Variants in AGBL4 observed in about 807,000 individuals in gnomAD.
AGBL4 encodes cytosolic carboxypeptidase 6.
Under a neutral mutation model 66.4 loss-of-function variants are expected in AGBL4, and 58 were observed. The observed-to-expected ratio is 0.87, with a 90% CI of 0.71 to 1.09. The LOEUF (loss-of-function observed/expected upper bound fraction) is 1.09, where lower values mean the gene tolerates loss of function less well. Among genes scored for constraint, AGBL4 ranks in the 50% least tolerant of loss-of-function variants. AGBL4 has a pLI of 0.00. For synonymous variants in AGBL4, 234 were observed against 222.9 expected (o/e 1.05, Z -0.44); for missense variants, 579 against 631.0 (o/e 0.92, Z 0.88).
chr1:48,975,731 T>C (rs1422626054), intron 5 of AGBL4, among the ~76,000 whole-genome samples: 3 of 152,166 alleles, frequency 2.0e-5, no homozygotes, highest in African/African-American at 7.2e-5. Context: ...GTAAGTTGCA[T>C]GAACAGGTAA....
At chr1:49,156,810 G>A (rs1264184760) in intron 4 of AGBL4, among the ~76,000 whole-genome samples, 3 of 152,140 alleles carry the variant, frequency 2.0e-5, no homozygotes, top group Admixed American at 1.3e-4. Context: ...AGTGTGAGTG[G>A]AGACTCACAA....
chr1:49,535,185 T>C (rs1027327451), intron 3 of AGBL4, among the ~76,000 whole-genome samples: 2 of 152,016 alleles, frequency 1.3e-5, no homozygotes, highest in African/African-American at 4.8e-5. Context: ...AGAGAATAAC[T>C]TTATAGATTA....
intron 1 of AGBL4, among the ~76,000 whole-genome samples, chr1:49,911,330 A>C (rs189479683): frequency 6.6e-6 from 1 of 152,206 alleles, no homozygotes; most frequent in Admixed American, 6.5e-5. Flanking sequence ...ATCTTGTGAG[A>C]AGCACACTGA....
At chr1:49,530,281 A>AAAAAAAAAAAAAAAAAAAAAAAAAAAT (rs1370165803) in intron 3 of AGBL4, among the ~76,000 whole-genome samples, 1 of 148,022 alleles carries the variant, frequency 6.8e-6, no homozygotes, top group African/African-American at 2.5e-5. Flanking sequence ...AACAAAAAAA[A>AAAAAAAAAAAAAAAAAAAAAAAAAAAT]ACTCTATGAG....
At chr1:49,915,100 C>A (rs908338779) in intron 1 of AGBL4, among the ~76,000 whole-genome samples, 2 of 152,204 alleles carry the variant, frequency 1.3e-5, no homozygotes, top group African/African-American at 4.8e-5. Context: ...TAAAAATTAT[C>A]GGGCAGTTCC....
intron 3 of AGBL4, among the ~76,000 whole-genome samples, chr1:49,493,355 C>G (rs905498021): frequency 6.6e-6 from 1 of 151,938 alleles, no homozygotes; most frequent in East Asian, 1.9e-4. Context: ...AAGCAACAGG[C>G]TTTATACTAA....
intron 4 of AGBL4, among the ~76,000 whole-genome samples, chr1:49,111,443 C>A (rs1417474671): frequency 3.3e-5 from 5 of 152,192 alleles, no homozygotes; most frequent in Non-Finnish European, 7.3e-5. Flanking sequence ...ATGTCTTTCC[C>A]ACTAGAGGCT....
At chr1:48,847,443 C>T (rs1460880921) in intron 6 of AGBL4, among the ~76,000 whole-genome samples, 1 of 150,756 alleles carries the variant, frequency 6.6e-6, no homozygotes, top group Non-Finnish European at 1.5e-5. Flanking sequence ...GCGTTCTCAG[C>T]CACTTATGAT....
At chr1:49,842,334 A>G in intron 2 of AGBL4, 1 of 552,420 alleles carries the variant, frequency 1.8e-6, no homozygotes. Context: ...CTGCTGGAGC[A>G]AGAGGCAGAG....
intron 1 of AGBL4, among the ~76,000 whole-genome samples, chr1:49,878,532 T>C (rs1046713446): frequency 1.3e-5 from 2 of 152,136 alleles, no homozygotes; most frequent in Non-Finnish European, 2.9e-5. Context: ...AGATAGTTTG[T>C]TATAATTTCT....
intron 2 of AGBL4, among the ~76,000 whole-genome samples, chr1:49,715,116 A>G (rs549422885): frequency 6.6e-6 from 1 of 151,784 alleles, no homozygotes; most frequent in African/African-American, 2.4e-5. Flanking sequence ...TCCCTCCCCT[A>G]GCCCCCCAGC....
chr1:48,814,325 AT>A (rs532176785), intron 6 of AGBL4, among the ~76,000 whole-genome samples: 5 of 151,244 alleles, frequency 3.3e-5, no homozygotes, highest in African/African-American at 4.8e-5. Flanking sequence ...TTTTAAAAAT[AT>A]TTTTTAATTG....
intron 6 of AGBL4, among the ~76,000 whole-genome samples, chr1:48,848,266 G>A (rs569757946): frequency 6.6e-6 from 1 of 152,238 alleles, no homozygotes; most frequent in South Asian, 2.1e-4. Flanking sequence ...GACTTAATGG[G>A]CGGACTACAA....
chr1:49,526,560 T>C (rs1353844735), intron 3 of AGBL4, among the ~76,000 whole-genome samples: 1 of 151,884 alleles, frequency 6.6e-6, no homozygotes, highest in Non-Finnish European at 1.5e-5. Context: ...AATATAAATA[T>C]AGGTAGGTGG....
At chr1:49,845,475 C>A (rs1041651234) in intron 2 of AGBL4, 2 of 1,565,496 alleles carry the variant, frequency 1.3e-6, no homozygotes, top group East Asian at 2.3e-5. Context: ...ACCTGCGAAT[C>A]CACACTGGGG....
At chr1:49,563,163 T>A (rs1000155667) in intron 3 of AGBL4, among the ~76,000 whole-genome samples, 1 of 151,928 alleles carries the variant, frequency 6.6e-6, no homozygotes, top group Non-Finnish European at 1.5e-5. Context: ...TGATTTTGTA[T>A]CCTGAGACTT....
At chr1:49,123,451 A>G (rs1457053775) in intron 4 of AGBL4, among the ~76,000 whole-genome samples, 1 of 152,208 alleles carries the variant, frequency 6.6e-6, no homozygotes, top group Non-Finnish European at 1.5e-5. Context: ...AAAATTATAT[A>G]TTTCATACAC....
At chr1:48,996,719 A>G (rs1661021974) in intron 5 of AGBL4, among the ~76,000 whole-genome samples, 1 of 152,138 alleles carries the variant, frequency 6.6e-6, no homozygotes, top group African/African-American at 2.4e-5. Flanking sequence ...TGTGGAAAGG[A>G]TGAGTATAGA....
At chr1:49,353,129 C>T (rs1557863471) in intron 3 of AGBL4, among the ~76,000 whole-genome samples, 1 of 152,180 alleles carries the variant, frequency 6.6e-6, no homozygotes, top group Non-Finnish European at 1.5e-5. Flanking sequence ...TATGTCAAAA[C>T]CACCTTTGAC....
Sources: allele counts gnomAD v4.1 joint callset (sites outside exome capture counted in the v4.1 genomes callset), GRCh38; gene constraint gnomAD v4.1.1; transcripts MANE v1.5; gene names NCBI Gene and HGNC (gene_info 2026-07-23, HGNC 2026-07-21).